BAZ2A: variants seen among roughly 807,000 people sequenced by gnomAD.
BAZ2A encodes bromodomain adjacent to zinc finger domain 2A.
BAZ2A carries 34 observed loss-of-function variants against 199.9 expected under a neutral mutation model. The ratio of observed to expected loss-of-function variants is 0.17; its 90% CI spans 0.13 to 0.23. BAZ2A has a LOEUF of 0.23. Among genes scored for constraint, BAZ2A ranks in the 10% least tolerant of loss-of-function variants. The pLI is 1.00. For synonymous variants in BAZ2A, 857 were observed against 883.9 expected (o/e 0.97, Z 0.54); for missense variants, 2,002 against 2,391.1 (o/e 0.84, Z 3.39).
At position 56,617,502 on chromosome 12, in the gene BAZ2A, G is replaced by T; in HGVS notation, c.29C>A (p.Thr10Asn). 1 of 1,608,810 alleles carries T rather than the reference G, an allele frequency of 6.2e-7. No individual in the cohort carries two copies. The highest frequency in any genetic ancestry group is 1.1e-5 in the South Asian group (1 of 89,764). The change falls in exon 2 of 29, where the codon ACT becomes AAT. Residue 10 changes from threonine (T) to asparagine (N), a missense_variant. By Grantham distance (65) the Thr-to-Asn change is moderately conservative (BLOSUM62 0). Around this residue, in one of 6 missense-constraint regions of BAZ2A, gnomAD observed 641 missense variants for 694.5 expected, o/e 0.92. Transcript: ENST00000549884. MEANDHFNFTGLPPAPAASG... is the reference protein window; with the variant it reads MEANDHFNFNGLPPAPAASG... ...GGCAGCAGGTGCAGGGGGAAGGCCA[G>T]TAAAGTTAAAATGGTCGTTTGCCTC...
intron 23 of BAZ2A, 47 bp downstream of exon 23, chr12:56,600,634 C>CTT: frequency 6.3e-7 from 1 of 1,599,774 alleles, no homozygotes. Flanking sequence ...GCATAAGGGA[C>CTT]TAATGCTTTT....
chr12:56,625,795 G>A lies in BAZ2A; in HGVS notation c.-3+4330C>T, dbSNP rs1018014380. 2.1e-5 allele frequency among the ~76,000 whole-genome samples: 3 copies of A among 144,192 alleles called. No individual in the cohort carries two copies. In the South Asian group the frequency reaches 6.6e-4, roughly 32 times the overall value. The allele number at this position is 144,192 out of a possible 152,430, so 94.6% of individuals were successfully genotyped here. ...GGAGGCTGAGGCAGGAGAATGGCGT[G>A]AACCCGGGAGGCGGAGCTTGCAGTG... On this transcript the variant is annotated intron_variant, in intron 1 of 28. Coordinates refer to ENST00000549884, the MANE Select transcript of BAZ2A (RefSeq NM_001300905.2).
At chr12:56,634,869 A>AGGGATCCCGGGGC, upstream of BAZ2A, 1 of 968,658 alleles carries the variant, frequency 1.0e-6, no homozygotes, top group South Asian at 4.8e-5. Flanking sequence ...CCGGGGCAGC[A>AGGGATCCCGGGGC]GGGATCCCGG....
chr12:56,599,159 C>T lies in BAZ2A; in HGVS notation c.5372G>A (p.Arg1791Gln), dbSNP rs762971471. 4.5e-5 allele frequency: 73 copies of T among 1,612,374 alleles called. No individual in the cohort carries two copies. Among genetic ancestry groups the T allele is most frequent in the South Asian group, 8.8e-5 (8 of 90,706 alleles). The change falls in exon 27 of 29, where the codon CGG becomes CAG. Residue 1791 changes from arginine (R) to glutamine (Q), a missense_variant. Physicochemically the swap from Arg to Gln is conservative, Grantham distance 43. This residue lies in a region of BAZ2A where 122 missense variants were observed against 123.0 expected (regional missense o/e 0.99). Transcript: ENST00000549884. The stretch of plus-strand genomic sequence containing the variant: ...AAATGTGAGATCACTGTGGTGGTTC[C>T]GCATAGAGAGTCGCCGCCGCTTGGA... Reference protein sequence around the residue: ...SPSKRRRLSMRNHHSDLTFCE... With the variant: ...SPSKRRRLSMQNHHSDLTFCE...
At chr12:56,623,638 C>G (rs1177430935) in intron 1 of BAZ2A, among the ~76,000 whole-genome samples, 1 of 152,128 alleles carries the variant, frequency 6.6e-6, no homozygotes, top group African/African-American at 2.4e-5. Context: ...AGGTTCTCAT[C>G]AGGGGCAATT....
upstream of BAZ2A, among the ~76,000 whole-genome samples, chr12:56,637,344 A>C (rs751700878): frequency 7.9e-5 from 12 of 152,208 alleles, no homozygotes; most frequent in Non-Finnish European, 1.3e-4. Flanking sequence ...AAAATAACCT[A>C]ACTTCATTAG....
rs1477344858 is a variant in BAZ2A, at chr12:56,602,028, A to C, written c.3589T>G (p.Ser1197Ala). The change falls in exon 20 of 29, where the codon TCT (serine) becomes GCT (alanine). Residue 1197 changes from serine (S) to alanine (A), a missense_variant. This residue lies in a region of BAZ2A where 1,081 missense variants were observed against 1,274.7 expected (regional missense o/e 0.85). Transcript: ENST00000549884. ...RGRPRKTKPG[S>A]MQPRHLKSPV... ...GACTTAAGATGCCTAGGTTGCATAG[A>C]CCCGGGCTTAGTTTTTCGAGGTCGG... 1 of 1,554,398 alleles carries C rather than the reference A, an allele frequency of 6.4e-7. No individual in the cohort carries two copies. The highest frequency in any genetic ancestry group is 2.0e-5 in the Admixed American group (1 of 51,100).
upstream of BAZ2A, chr12:56,636,421 T>G: frequency 7.4e-7 from 1 of 1,348,260 alleles, no homozygotes; most frequent in South Asian, 1.7e-5. Flanking sequence ...TTTCTCTGGG[T>G]GGAGAGAGGG....
intron 2 of BAZ2A, among the ~76,000 whole-genome samples, chr12:56,615,937 CTA>C (rs1950706509): frequency 2.0e-5 from 3 of 152,266 alleles, no homozygotes; most frequent in Middle Eastern, 3.4e-3. Context: ...CGGAATCTCG[CTA>C]TGTCACCAGG....
At chr12:56,605,763 T>C in intron 13 of BAZ2A, 67 bp downstream of exon 13, 1 of 1,416,746 alleles carries the variant, frequency 7.1e-7, no homozygotes, top group African/African-American at 1.5e-5. Flanking sequence ...ATTGCAGAAG[T>C]CCTTTTTTTT....
In BAZ2A at chr12:56,604,536, C is replaced by G. The variant is rs150740430; in HGVS notation, c.2963+49G>C. 203 of 1,517,374 alleles carry G rather than the reference C, an allele frequency of 1.3e-4. No homozygotes were observed. In the African/African-American group the frequency reaches 2.4e-3, roughly 18 times the overall value. 94.0% of individuals were successfully genotyped at this position (1,517,374 alleles called of 1,614,324 possible). ...CTGGAAGGCTACAAGTCCTCCACCC[C>G]ATTCTGATGCAAGGGATACAATGAC... On this transcript the variant is annotated intron_variant, in intron 15 of 28. Transcript: ENST00000549884.
intron 10 of BAZ2A, among the ~76,000 whole-genome samples, 162 bp downstream of exon 10, chr12:56,609,574 G>A (rs575197784): frequency 2.0e-5 from 3 of 152,296 alleles, no homozygotes; most frequent in South Asian, 2.1e-4. Context: ...ATTCCCAAGC[G>A]CTGGGACTAG....
rs1018303716 is a variant in BAZ2A at position 56,595,721 on chromosome 12, C to T, written c.*2897G>A. ...GGGGCCACATCTCACAAGGCAGGAC[C>T]TGGATGCACTGAATCCCCCTTTGCT... On this transcript the variant is annotated 3_prime_UTR_variant, in exon 29 of 29. Transcript: ENST00000549884. 6.6e-6 allele frequency: 1 copy of T among 152,480 alleles called. No individual in the cohort carries two copies. Among genetic ancestry groups the T allele is most frequent in the Non-Finnish European group, 1.5e-5 (1 of 68,064 alleles). 9.4% of individuals were successfully genotyped at this position (152,480 alleles called of 1,614,324 possible).
Position 56,602,822 on chromosome 12 carries a change from T to A in BAZ2A, c.3315A>T (p.Ser1105=). ...QLFFRKKLLH[S]SQMLRAVSLG... Reference sequence around the variant, plus strand: ...GGGAGACCGCCCGAAGCATCTGGGATGAGTGAAGCAGCTTTTTGCGAAAGA... The same window carrying A: ...GGGAGACCGCCCGAAGCATCTGGGAAGAGTGAAGCAGCTTTTTGCGAAAGA... The change falls in exon 19 of 29, where the codon TCA becomes TCT. Residue 1105 remains serine, a synonymous_variant. Coordinates refer to ENST00000549884, the MANE Select transcript of BAZ2A (RefSeq NM_001300905.2). 2 of 1,613,252 alleles carry A rather than the reference T, an allele frequency of 1.2e-6. No individual in the cohort carries two copies. Among genetic ancestry groups the A allele is most frequent in the Non-Finnish European group, 1.7e-6 (2 of 1,179,346 alleles).
Position 56,630,272 on chromosome 12 carries a change from A to C in BAZ2A, c.-150T>G. ...CCGGGGTTCGGGAAGGGGGAGGGGG[A>C]CGCGGCTCAACCGCGGGGCCCGAGA... On this transcript the variant is annotated 5_prime_UTR_variant, in exon 1 of 29. Coordinates refer to ENST00000549884, the MANE Select transcript of BAZ2A (RefSeq NM_001300905.2). The C allele has an allele frequency of 1.0e-6, 1 of 983,680 alleles. No individual in the cohort carries two copies. Among genetic ancestry groups the C allele is most frequent in the Non-Finnish European group, 1.2e-6 (1 of 828,394 alleles). The allele number at this position is 983,680 out of a possible 1,614,324, so 60.9% of individuals were successfully genotyped here.
At chr12:56,608,047 C>G (rs1323233596) in intron 10 of BAZ2A, among the ~76,000 whole-genome samples, 1 of 148,830 alleles carries the variant, frequency 6.7e-6, no homozygotes, top group Admixed American at 6.7e-5. Context: ...GCACTCCAGC[C>G]TGGGCAACAA....
Position 56,617,569 on chromosome 12 carries a change from C to T in BAZ2A, c.-2-37G>A, listed in dbSNP as rs180672285. On this transcript the variant is annotated intron_variant, in intron 1 of 28. Transcript: ENST00000549884. ...GAGAGAGAGGGAAAAAAAATACTGG[C>T]GGTTAAACAAGGTTATGTCACCTGG... The T allele has an allele frequency of 3.5e-5, 56 of 1,579,862 alleles. No homozygotes were observed. In the East Asian group the frequency reaches 7.5e-4, roughly 21 times the overall value.
At chr12:56,632,469 G>C (rs191354278), upstream of BAZ2A, among the ~76,000 whole-genome samples, 145 of 152,194 alleles carry the variant, frequency 9.5e-4, no homozygotes, top group African/African-American at 3.4e-3. Context: ...CGTCAGACGG[G>C]TGTAGCCACG....
At chr12:56,606,412 A>C in intron 11 of BAZ2A, 100 bp from the exon 12 acceptor site, 1 of 1,426,890 alleles carries the variant, frequency 7.0e-7, no homozygotes, top group East Asian at 2.3e-5. Context: ...AGGAGAGGTG[A>C]GAGATGGAAT....
Sources: gnomAD v4.1 joint callset for allele counts (sites outside exome capture counted in the v4.1 genomes callset) on GRCh38, gnomAD v4.1.1 for gene constraint, gnomAD v4.1.1 regional missense constraint, MANE v1.5 for transcripts, NCBI Gene and HGNC (gene_info 2026-07-23, HGNC 2026-07-21) for gene names.